CRTC1: variants seen among roughly 807,000 people sequenced by gnomAD.
CRTC1 encodes CREB-regulated transcription coactivator 1.
In CRTC1, 18 loss-of-function variants were observed where a neutral mutation model predicts 66.1. That is an observed-to-expected ratio of 0.27 (90% CI 0.19 to 0.40). The LOEUF is 0.40. Ranked by LOEUF, CRTC1 falls within the 10% of genes least tolerant of loss-of-function variation. The pLI is 1.00. For synonymous variants in CRTC1, 416 were observed against 398.8 expected (o/e 1.04, Z -0.51); for missense variants, 669 against 887.9 (o/e 0.75, Z 3.13).
chr19:18,689,680 T>C (rs1358486223), intron 1 of CRTC1, among the ~76,000 whole-genome samples: 1 of 147,506 alleles, frequency 6.8e-6, no homozygotes, highest in Non-Finnish European at 1.5e-5. Context: ...CCGGCATGGC[T>C]CAGTAATAGT....
chr19:18,702,190 T>C (rs1288104063), intron 1 of CRTC1, among the ~76,000 whole-genome samples: 2 of 151,930 alleles, frequency 1.3e-5, no homozygotes, highest in Non-Finnish European at 2.9e-5. Flanking sequence ...CCCAAAGTGC[T>C]GGCATTACAG....
At chr19:18,714,330 C>T (rs548228946) in intron 1 of CRTC1, among the ~76,000 whole-genome samples, 27 of 151,588 alleles carry the variant, frequency 1.8e-4, no homozygotes, top group East Asian at 3.9e-4. Flanking sequence ...TTTTTTGAGA[C>T]GGAGTCTTGC....
intron 2 of CRTC1, among the ~76,000 whole-genome samples, chr19:18,745,112 G>A (rs750210685): frequency 3.9e-5 from 6 of 152,186 alleles, no homozygotes; most frequent in Non-Finnish European, 8.8e-5. Flanking sequence ...ATGAGGCCGG[G>A]CATGTAGCAG....
chr19:18,697,059 C>G (rs2053007662), intron 1 of CRTC1, among the ~76,000 whole-genome samples: 1 of 152,058 alleles, frequency 6.6e-6, no homozygotes, highest in South Asian at 2.1e-4. Context: ...AGGTGGGTGC[C>G]CTGTTCTTCT....
At chr19:18,737,366 C>T (rs1007124168) in intron 1 of CRTC1, among the ~76,000 whole-genome samples, 2 of 152,082 alleles carry the variant, frequency 1.3e-5, no homozygotes, top group Non-Finnish European at 2.9e-5. Context: ...ACATCTGCCT[C>T]CCACGTGCCT....
At chr19:18,742,572 C>T (rs2054135103) in intron 1 of CRTC1, among the ~76,000 whole-genome samples, 2 of 152,380 alleles carry the variant, frequency 1.3e-5, no homozygotes, top group South Asian at 4.1e-4. Context: ...TGAGGGGCCT[C>T]CTTGGCAGGC....
At chr19:18,691,191 CAAA>C (rs35591757) in intron 1 of CRTC1, among the ~76,000 whole-genome samples, 1 of 118,684 alleles carries the variant, frequency 8.4e-6, no homozygotes, top group Non-Finnish European at 1.8e-5. Flanking sequence ...GATCCTGTCT[CAAA>C]AAAAAAAAAA....
At chr19:18,766,886 T>A (rs1466889424) in intron 9 of CRTC1, among the ~76,000 whole-genome samples, 1 of 152,260 alleles carries the variant, frequency 6.6e-6, no homozygotes, top group Non-Finnish European at 1.5e-5. Flanking sequence ...ACTTCTCTTC[T>A]ATTTTTTGGA....
At chr19:18,715,283 A>C (rs555621842) in intron 1 of CRTC1, among the ~76,000 whole-genome samples, 1 of 152,068 alleles carries the variant, frequency 6.6e-6, no homozygotes, top group South Asian at 2.1e-4. Context: ...GCTGGAGTGC[A>C]GTGGTGCGAT....
At chr19:18,694,313 AAAAAG>A (rs1482423057) in intron 1 of CRTC1, among the ~76,000 whole-genome samples, 27 of 151,142 alleles carry the variant, frequency 1.8e-4, no homozygotes, top group East Asian at 5.8e-4. Context: ...AAAAAAAAAA[AAAAAG>A]AAGAAGAGAC....
chr19:18,709,422 A>G (rs2053339226), intron 1 of CRTC1, among the ~76,000 whole-genome samples: 1 of 152,166 alleles, frequency 6.6e-6, no homozygotes, highest in Non-Finnish European at 1.5e-5. Flanking sequence ...GGGACAGGCC[A>G]GGTGGCAGGA....
intron 8 of CRTC1, among the ~76,000 whole-genome samples, chr19:18,762,759 C>A (rs1039789905): frequency 6.6e-6 from 1 of 152,270 alleles, no homozygotes; most frequent in African/African-American, 2.4e-5. Flanking sequence ...AGGAATTCAA[C>A]AGCAAGGCTC....
intron 5 of CRTC1, among the ~76,000 whole-genome samples, chr19:18,751,393 A>T (rs1881609916): frequency 6.6e-6 from 1 of 152,016 alleles, no homozygotes. Context: ...GAGTGTTTGC[A>T]CGTGCCTGTG....
intron 9 of CRTC1, 91 bp downstream of exon 9, chr19:18,765,619 G>C: frequency 7.7e-7 from 1 of 1,291,658 alleles, no homozygotes; most frequent in Non-Finnish European, 1.0e-6. Context: ...GTTCCTTCCA[G>C]GAGGCCACAA....
chr19:18,729,425 C>CAA (rs1222302857), intron 1 of CRTC1, among the ~76,000 whole-genome samples: 1 of 91,422 alleles, frequency 1.1e-5, no homozygotes, highest in Non-Finnish European at 2.2e-5. Context: ...GACTCCGTCT[C>CAA]AAAAAAAAAA....
At chr19:18,745,099 G>A (rs956177003) in intron 2 of CRTC1, among the ~76,000 whole-genome samples, 3 of 152,156 alleles carry the variant, frequency 2.0e-5, no homozygotes, top group Admixed American at 2.0e-4. Flanking sequence ...CAGCCCCGGG[G>A]GCATGAGGCC....
At chr19:18,696,546 G>A (rs1443039649) in intron 1 of CRTC1, among the ~76,000 whole-genome samples, 1 of 152,176 alleles carries the variant, frequency 6.6e-6, no homozygotes, top group Non-Finnish European at 1.5e-5. Flanking sequence ...CATGGCTGAC[G>A]GTGGGAGGAG....
rs1367179069 is a variant in CRTC1, at chr19:18,781,199, C to A, written c.*3817C>A. 8.8e-6 allele frequency: 2 copies of A among 227,220 alleles called. No homozygotes were observed. Among genetic ancestry groups the A allele is most frequent in the Non-Finnish European group, 1.7e-5 (2 of 114,472 alleles). 14.1% of individuals were successfully genotyped at this position (227,220 alleles called of 1,614,324 possible). On this transcript the variant is annotated 3_prime_UTR_variant, in exon 14 of 14. Transcript: ENST00000321949. Reference sequence around the variant, plus strand: ...GTGCCCCTGGGCCTGGCCCGTCACCCACATGTGGTGCCCTGGGCCAGGGCG... The same window carrying A: ...GTGCCCCTGGGCCTGGCCCGTCACCAACATGTGGTGCCCTGGGCCAGGGCG...
Position 18,741,993 on chromosome 19 carries a change from G to T in CRTC1, c.127-917G>T, listed in dbSNP as rs1290086631. On this transcript the variant is annotated intron_variant, in intron 1 of 13. Coordinates refer to ENST00000321949, the MANE Select transcript of CRTC1 (RefSeq NM_015321.3). This position sits in a 1 kb window ranked among gnomAD's most constrained non-coding sequence, Gnocchi z 4.2. ...TCCACCCTAGCAACCGCCCCTGCCG[G>T]GCCAGAGTGGACAACCACCCCTCCT... Among the ~76,000 whole-genome samples, 1 of 152,094 alleles carries T rather than the reference G, an allele frequency of 6.6e-6. No individual in the cohort carries two copies. The highest frequency in any genetic ancestry group is 3.2e-3 in the Middle Eastern group (1 of 316).
Sources: allele counts gnomAD v4.1 joint callset (sites outside exome capture counted in the v4.1 genomes callset), GRCh38; gene constraint gnomAD v4.1.1; non-coding constraint Gnocchi (gnomAD v3.1); transcripts MANE v1.5; gene names NCBI Gene and HGNC (gene_info 2026-07-23, HGNC 2026-07-21).